PHEX: variants seen among roughly 807,000 people sequenced by gnomAD.
PHEX encodes the protein phosphate-regulating neutral endopeptidase PHEX.
In PHEX, 16 loss-of-function variants were observed where a neutral mutation model predicts 68.0. The ratio of observed to expected loss-of-function variants is 0.24; its 90% confidence interval spans 0.16 to 0.36. The LOEUF is 0.36. Ranked by LOEUF, PHEX falls within the 10% of genes least tolerant of loss-of-function variation. The pLI, the probability that PHEX is intolerant of heterozygous loss-of-function variation, is 1.00. For missense variants in PHEX, 480 were observed against 575.5 expected (o/e 0.83, Z 1.70); for synonymous variants, 208 against 205.1 (o/e 1.01, Z -0.12).
Position 22,117,021 on chromosome X carries a change from C to G in PHEX, c.1302+2435C>G, listed in dbSNP as rs566775535. Among the ~76,000 whole-genome samples the G allele has an allele frequency of 2.8e-4, 31 of 112,176 alleles. No individual in the cohort carries two copies. The South Asian group carries it at 0.011, about 41-fold the overall frequency. ...GGAGACAAGATAAGGGTAATTACCT[C>G]AGTACCTAGACCCATTTAGATTAAG... On this transcript the variant is annotated intron_variant, in intron 11 of 21. Coordinates refer to ENST00000379374, the MANE Select transcript of PHEX (RefSeq NM_000444.6).
At chrX:22,233,517 CCTT>C (rs1336889693) in intron 20 of PHEX, among the ~76,000 whole-genome samples, 1 of 111,220 alleles carries the variant, frequency 9.0e-6, no homozygotes, top group Admixed American at 9.6e-5. Context: ...TCATTTCACT[CCTT>C]CTTCTCTAAT....
chrX:22,074,756 T>TA (rs11462308), intron 3 of PHEX, among the ~76,000 whole-genome samples: 7,472 of 109,959 alleles, frequency 0.068, 394 homozygotes, highest in African/African-American at 0.17. Context: ...TTCTGCGTAT[T>TA]AAAAAAAAAT....
At chrX:22,193,308 ATATAAGT>A (rs1471443068) in intron 15 of PHEX, among the ~76,000 whole-genome samples, 1 of 111,459 alleles carries the variant, frequency 9.0e-6, no homozygotes, top group Non-Finnish European at 1.9e-5. Flanking sequence ...ATTTTGGCAC[ATATAAGT>A]TATAAAGAAT....
chrX:22,235,642 C>T (rs892564064), intron 20 of PHEX, among the ~76,000 whole-genome samples: 11 of 111,634 alleles, frequency 9.9e-5, no homozygotes, highest in African/African-American at 3.6e-4. Flanking sequence ...AAAGGCCCAA[C>T]TCCTAATGCC....
intron 20 of PHEX, among the ~76,000 whole-genome samples, chrX:22,243,924 A>T (rs1602437578): frequency 8.9e-6 from 1 of 112,175 alleles, no homozygotes; most frequent in Non-Finnish European, 1.9e-5. Context: ...CAGCAATCCC[A>T]TTACTGGGTA....
At chrX:22,185,400 G>A (rs1933996296) in intron 14 of PHEX, among the ~76,000 whole-genome samples, 1 of 112,364 alleles carries the variant, frequency 8.9e-6, no homozygotes, top group East Asian at 2.8e-4. Context: ...GACATAAGCT[G>A]TGCAAACTCA....
chrX:22,058,960 A>C (rs1204350541), intron 3 of PHEX, among the ~76,000 whole-genome samples: 2 of 111,339 alleles, frequency 1.8e-5, no homozygotes, highest in African/African-American at 6.5e-5. Flanking sequence ...GCCTGCCACC[A>C]CGCCTGGCTA....
chrX:22,153,136 C>A (rs1050006031), intron 12 of PHEX, among the ~76,000 whole-genome samples: 1 of 110,784 alleles, frequency 9.0e-6, no homozygotes, highest in Non-Finnish European at 1.9e-5. Context: ...GGACTATAGG[C>A]ATGCACCACA....
intron 7 of PHEX, 121 bp from the exon 8 acceptor site, chrX:22,096,834 C>T (rs1296099490): frequency 1.8e-6 from 1 of 558,871 alleles, no homozygotes; most frequent in Non-Finnish European, 3.1e-6. Flanking sequence ...GAGTTGGGGA[C>T]CACACCAAAG....
chrX:22,062,139 T>G (rs1335929390), intron 3 of PHEX, among the ~76,000 whole-genome samples: 1 of 111,251 alleles, frequency 9.0e-6, no homozygotes, highest in Non-Finnish European at 1.9e-5. Context: ...CCTCAACACG[T>G]GGGGATTATG....
chrX:22,138,362 C>T (rs1040142970), intron 12 of PHEX, among the ~76,000 whole-genome samples: 9 of 112,869 alleles, frequency 8.0e-5, no homozygotes, highest in African/African-American at 2.6e-4. Flanking sequence ...TGAGCAGCCA[C>T]AGTCCCTTTT....
At chrX:22,226,411 A>AT (rs68100043) in intron 18 of PHEX, 32 bp from the exon 19 acceptor site, 22,883 of 856,135 alleles carry the variant, frequency 0.027, 154 homozygotes, top group East Asian at 0.22. Context: ...ACACGCATTC[A>AT]TTTTTTTTTT....
chrX:22,166,745 A>T (rs1159730583), intron 12 of PHEX, among the ~76,000 whole-genome samples: 1 of 110,935 alleles, frequency 9.0e-6, no homozygotes, highest in Non-Finnish European at 1.9e-5. Flanking sequence ...CCTCTTATCT[A>T]ACTGAAATTT....
At chrX:22,174,694 T>C (rs1933644299) in intron 13 of PHEX, among the ~76,000 whole-genome samples, 1 of 111,732 alleles carries the variant, frequency 8.9e-6, no homozygotes, top group African/African-American at 3.3e-5. Context: ...TCTGTTACAG[T>C]TTATTAATTT....
At chrX:22,180,500 G>A (rs1215096660) in intron 14 of PHEX, among the ~76,000 whole-genome samples, 2 of 111,086 alleles carry the variant, frequency 1.8e-5, no homozygotes, top group Admixed American at 9.6e-5. Context: ...AAATGTTGTG[G>A]GTATGTAGTA....
chrX:22,139,240 A>G (rs1479905487), intron 12 of PHEX, among the ~76,000 whole-genome samples: 2 of 111,351 alleles, frequency 1.8e-5, no homozygotes, highest in Admixed American at 9.5e-5. Context: ...AGGCTCCCCA[A>G]GTTGTCAGCC....
chrX:22,189,335 T>C (rs1934125647), intron 14 of PHEX, among the ~76,000 whole-genome samples: 1 of 112,478 alleles, frequency 8.9e-6, no homozygotes, highest in Non-Finnish European at 1.9e-5. Flanking sequence ...TTTTAGTTCT[T>C]TGAGGAACCT....
chrX:22,181,633 G>A (rs1933885183), intron 14 of PHEX, among the ~76,000 whole-genome samples: 1 of 111,703 alleles, frequency 9.0e-6, no homozygotes, highest in Admixed American at 9.5e-5. Flanking sequence ...TTGATATTTT[G>A]ATGGGGATTA....
intron 12 of PHEX, chrX:22,163,142 A>C (rs1023290252): frequency 8.9e-6 from 1 of 112,069 alleles, no homozygotes; most frequent in African/African-American, 3.2e-5. Context: ...TATCTGGCCC[A>C]AAGTGTTGAG....
Sources: allele counts gnomAD v4.1 joint callset (sites outside exome capture counted in the v4.1 genomes callset), GRCh38; gene constraint gnomAD v4.1.1; transcripts MANE v1.5; gene names NCBI Gene and HGNC (gene_info 2026-07-23, HGNC 2026-07-21).